Variants in C17orf67 observed in about 807,000 individuals in gnomAD.
C17orf67 encodes the protein uncharacterized protein C17orf67.
C17orf67 carries 12 observed loss-of-function variants against 11.2 expected under a neutral mutation model. That is an observed-to-expected ratio of 1.07 (90% CI 0.68 to 1.73). C17orf67 has a LOEUF of 1.73. C17orf67 is among the 40% of genes most tolerant of loss of function. The pLI is 0.00. For synonymous variants in C17orf67, 59 were observed against 46.9 expected, an observed-to-expected ratio of 1.26 and a Z score of -1.05; for missense variants, 115 against 113.5, an observed-to-expected ratio of 1.01 and a Z score of -0.06.
intron 6 of C17orf67, among the ~76,000 whole-genome samples, chr17:56,801,595 A>G (rs936921206): frequency 2.2e-4 from 33 of 152,024 alleles, no homozygotes; most frequent in African/African-American, 8.0e-4. Context: ...CATTTAACTC[A>G]TCAAAATACA....
chr17:56,822,657 T>C (rs1226536565), intron 4 of C17orf67, among the ~76,000 whole-genome samples: 1 of 152,214 alleles, frequency 6.6e-6, no homozygotes, highest in Non-Finnish European at 1.5e-5. Flanking sequence ...GTAAAAATGT[T>C]TTGAATGACT....
intron 6 of C17orf67, among the ~76,000 whole-genome samples, chr17:56,812,719 AG>A (rs999640836): frequency 4.6e-5 from 7 of 152,052 alleles, no homozygotes; most frequent in African/African-American, 1.4e-4. Flanking sequence ...AAAACAAACC[AG>A]AAAAAGCCAG....
At chr17:56,820,344 C>T (rs1037615630) in intron 4 of C17orf67, among the ~76,000 whole-genome samples, 1 of 152,148 alleles carries the variant, frequency 6.6e-6, no homozygotes, top group Non-Finnish European at 1.5e-5. Context: ...AGTTCAGGGC[C>T]GTGGTGGCTG....
intron 6 of C17orf67, among the ~76,000 whole-genome samples, chr17:56,807,041 G>A (rs1342868375): frequency 1.3e-5 from 2 of 152,224 alleles, no homozygotes; most frequent in African/African-American, 4.8e-5. Context: ...ACAGTGGTGT[G>A]GAGTAGACAG....
At chr17:56,797,374 T>G (rs1905232493) in intron 6 of C17orf67, among the ~76,000 whole-genome samples, 1 of 151,944 alleles carries the variant, frequency 6.6e-6, no homozygotes, top group Non-Finnish European at 1.5e-5. Flanking sequence ...GCACAACCTT[T>G]GCAAGGCAAG....
intron 7 of C17orf67, among the ~76,000 whole-genome samples, chr17:56,792,643 GTGATGGTGCTGA>G (rs1306143417): frequency 1.4e-5 from 2 of 145,438 alleles, no homozygotes; most frequent in Non-Finnish European, 1.5e-5. Context: ...GGTGGTGGTG[GTGATGGTGCTGA>G]TGGTGGTGAT....
chr17:56,820,488 T>C (rs545334639), intron 4 of C17orf67, among the ~76,000 whole-genome samples: 2 of 152,106 alleles, frequency 1.3e-5, no homozygotes, highest in African/African-American at 4.8e-5. Context: ...CCAATGAACA[T>C]AACGTGCACA....
chr17:56,803,941 A>G (rs1905385398), intron 6 of C17orf67: 1 of 152,250 alleles, frequency 6.6e-6, no homozygotes, highest in South Asian at 2.1e-4. Flanking sequence ...CAAATTGCAA[A>G]TCTGCTGAAA....
At chr17:56,831,226 G>T (rs1200557762) in intron 2 of C17orf67, among the ~76,000 whole-genome samples, 1 of 152,082 alleles carries the variant, frequency 6.6e-6, no homozygotes, top group African/African-American at 2.4e-5. Flanking sequence ...GGAGAGATGG[G>T]CTCGAGTCCA....
chr17:56,830,942 A>T (rs1659625760), intron 2 of C17orf67, among the ~76,000 whole-genome samples: 1 of 152,206 alleles, frequency 6.6e-6, no homozygotes, highest in Non-Finnish European at 1.5e-5. Flanking sequence ...AATAGCCCTG[A>T]AGGGGGCATG....
At chr17:56,824,550 T>C (rs983004344) in intron 4 of C17orf67, among the ~76,000 whole-genome samples, 189 bp downstream of exon 4, 1 of 152,222 alleles carries the variant, frequency 6.6e-6, no homozygotes, top group Non-Finnish European at 1.5e-5. Flanking sequence ...TGAGCTGAGC[T>C]GCAAAGATTA....
intron 6 of C17orf67, among the ~76,000 whole-genome samples, chr17:56,795,630 C>G (rs1324836325): frequency 6.6e-6 from 1 of 152,118 alleles, no homozygotes; most frequent in Non-Finnish European, 1.5e-5. Context: ...TAACAAGTTC[C>G]TAGCTAATAG....
chr17:56,795,272 G>C, intron 6 of C17orf67, 92 bp from the exon 7 acceptor site: 1 of 1,131,748 alleles, frequency 8.8e-7, no homozygotes, highest in Admixed American at 1.7e-5. Context: ...CCTAGACAGG[G>C]CAGGATGGGA....
chr17:56,823,885 A>G (rs2144146976), intron 4 of C17orf67, among the ~76,000 whole-genome samples: 1 of 152,370 alleles, frequency 6.6e-6, no homozygotes, highest in South Asian at 2.1e-4. Context: ...GCACTAAAAA[A>G]AAATGAGCTA....
chr17:56,827,172 G>C (rs1439052146), intron 2 of C17orf67, among the ~76,000 whole-genome samples: 2 of 152,258 alleles, frequency 1.3e-5, no homozygotes, highest in Non-Finnish European at 2.9e-5. Context: ...GCTCTCACCA[G>C]ATGGTGAGAA....
intron 6 of C17orf67, among the ~76,000 whole-genome samples, chr17:56,800,955 G>A (rs532418880): frequency 1.6e-4 from 25 of 152,350 alleles, no homozygotes; most frequent in African/African-American, 5.1e-4. Flanking sequence ...AGGCTAAGGC[G>A]AGAGAATTAC....
chr17:56,794,030 A>G (rs530379333), intron 7 of C17orf67, among the ~76,000 whole-genome samples: 34 of 152,218 alleles, frequency 2.2e-4, no homozygotes, highest in African/African-American at 7.9e-4. Flanking sequence ...GGTCCACATA[A>G]AGCATGCAGA....
intron 4 of C17orf67, among the ~76,000 whole-genome samples, chr17:56,818,191 G>A (rs1043527230): frequency 6.0e-5 from 9 of 151,192 alleles, no homozygotes; most frequent in Non-Finnish European, 8.8e-5. Context: ...AAATTGTCAC[G>A]TTAAACAGCT....
At chr17:56,796,977 C>G (rs1905226316) in intron 6 of C17orf67, among the ~76,000 whole-genome samples, 1 of 152,204 alleles carries the variant, frequency 6.6e-6, no homozygotes, top group East Asian at 1.9e-4. Flanking sequence ...GTCTGTGGCT[C>G]TGGATAATGT....
Sources: allele counts gnomAD v4.1 joint callset (sites outside exome capture counted in the v4.1 genomes callset), GRCh38; gene constraint gnomAD v4.1.1; transcripts MANE v1.5; gene names NCBI Gene and HGNC (gene_info 2026-07-23, HGNC 2026-07-21).